SGPP1: variants seen among roughly 807,000 people sequenced by gnomAD.
The protein encoded by SGPP1 is sphingosine-1-phosphate phosphatase 1, also known as hSPP1.
Under a neutral mutation model 33.0 loss-of-function variants are expected in SGPP1, and 21 were observed. The ratio of observed to expected loss-of-function variants is 0.64; its 90% CI spans 0.45 to 0.92. SGPP1 has a LOEUF of 0.92. Ranked by LOEUF, SGPP1 falls within the 40% of genes least tolerant of loss-of-function variation. SGPP1 has a pLI of 0.00. For missense variants in SGPP1, 543 were observed against 589.4 expected (o/e 0.92, Z 0.81); for synonymous variants, 239 against 241.2 (o/e 0.99, Z 0.08).
At chr14:63,699,358 T>C (rs1885250661) in intron 1 of SGPP1, among the ~76,000 whole-genome samples, 1 of 151,812 alleles carries the variant, frequency 6.6e-6, no homozygotes, top group Non-Finnish European at 1.5e-5. Context: ...GAGGAAAGGA[T>C]GGATGGGCAT....
Position 63,727,959 on chromosome 14 carries a change from C to T in SGPP1, c.-15G>A. 6.5e-7 allele frequency: 1 copy of T among 1,538,110 alleles called. No individual in the cohort carries two copies. The highest frequency in any genetic ancestry group is 8.7e-7 in the Non-Finnish European group (1 of 1,151,768). On this transcript the variant is annotated 5_prime_UTR_variant, in exon 1 of 3. Transcript: ENST00000247225. ...CTCAGCGACATGATAACGGAACCCC[C>T]GGGAAGGCGGGCCGGCCTCCGGCGC... is the stretch of plus-strand genomic sequence containing the variant.
chr14:63,726,515 C>G (rs562522451), intron 1 of SGPP1, among the ~76,000 whole-genome samples: 2 of 152,272 alleles, frequency 1.3e-5, no homozygotes, highest in East Asian at 3.9e-4. Context: ...TATAAACCCA[C>G]TAGTTTGATC....
chr14:63,716,272 T>C (rs191119745), intron 1 of SGPP1, among the ~76,000 whole-genome samples: 134 of 152,166 alleles, frequency 8.8e-4, no homozygotes, highest in Middle Eastern at 3.4e-3. Context: ...GGTGAGAGGA[T>C]AGTATGAGCC....
chr14:63,703,807 T>G (rs1485243965), intron 1 of SGPP1, among the ~76,000 whole-genome samples: 6 of 145,232 alleles, frequency 4.1e-5, no homozygotes, highest in Non-Finnish European at 6.1e-5. Flanking sequence ...TAAGTTTTTT[T>G]TTTTTTTTTT....
Position 63,727,447 on chromosome 14 carries a change from G to A in SGPP1, c.498C>T (p.Ile166=). ...DPLVGRRLVV[I]WVLVMYLGQC... is the part of the protein sequence containing the mutation. Reference sequence around the variant, plus strand: ...GGCCCAGGTACATGACCAGCACCCAGATGACCACGAGCCTCCGGCCCACCA... The same window carrying A: ...GGCCCAGGTACATGACCAGCACCCAAATGACCACGAGCCTCCGGCCCACCA... The change falls in exon 1 of 3, where the codon ATC becomes ATT. Residue 166 remains isoleucine (I), a synonymous_variant. Transcript: ENST00000247225. 2 of 1,614,118 alleles carry A rather than the reference G, an allele frequency of 1.2e-6. No homozygotes were observed. The highest frequency in any genetic ancestry group is 2.7e-5 in the African/African-American group (2 of 75,050).
intron 1 of SGPP1, among the ~76,000 whole-genome samples, chr14:63,710,114 A>G (rs938422826): frequency 9.9e-5 from 15 of 152,210 alleles, no homozygotes; most frequent in African/African-American, 3.6e-4. Flanking sequence ...TGTACATGTA[A>G]ACGGATGACA....
intron 1 of SGPP1, among the ~76,000 whole-genome samples, chr14:63,703,474 G>A (rs1432020955): frequency 6.6e-6 from 1 of 151,914 alleles, no homozygotes; most frequent in East Asian, 1.9e-4. Flanking sequence ...CCAACATGGT[G>A]AAACCCTGTC....
intron 1 of SGPP1, among the ~76,000 whole-genome samples, chr14:63,709,433 C>T (rs1277085233): frequency 1.3e-5 from 2 of 151,692 alleles, no homozygotes; most frequent in Non-Finnish European, 2.9e-5. Flanking sequence ...AAGAACAGAC[C>T]TATGGATGCT....
intron 1 of SGPP1, among the ~76,000 whole-genome samples, chr14:63,699,780 T>A (rs986098807): frequency 6.7e-6 from 1 of 149,180 alleles, no homozygotes; most frequent in South Asian, 2.3e-4. Context: ...ACATTTAACA[T>A]GGTCCCTCAC....
intron 1 of SGPP1, among the ~76,000 whole-genome samples, chr14:63,720,374 G>A (rs1595073204): frequency 6.6e-6 from 1 of 152,048 alleles, no homozygotes; most frequent in East Asian, 1.9e-4. Context: ...AGAAAGAGAC[G>A]GAGGGAGGGG....
intron 1 of SGPP1, among the ~76,000 whole-genome samples, chr14:63,715,002 C>T (rs1156327725): frequency 1.2e-4 from 18 of 151,228 alleles, no homozygotes; most frequent in African/African-American, 3.9e-4. Context: ...GGATTACAGG[C>T]ATGAGCCACT....
At chr14:63,705,114 G>T (rs961444709) in intron 1 of SGPP1, among the ~76,000 whole-genome samples, 1 of 151,328 alleles carries the variant, frequency 6.6e-6, no homozygotes, top group African/African-American at 2.4e-5. Context: ...GTGACAGGGC[G>T]AGACTCTGTC....
chr14:63,693,539 A>G (rs1315103582), intron 2 of SGPP1, among the ~76,000 whole-genome samples: 1 of 152,260 alleles, frequency 6.6e-6, no homozygotes, highest in Non-Finnish European at 1.5e-5. Context: ...AGCTATTTAT[A>G]TAAAGCCATA....
At chr14:63,724,857 G>A (rs1378719472) in intron 1 of SGPP1, among the ~76,000 whole-genome samples, 2 of 150,966 alleles carry the variant, frequency 1.3e-5, no homozygotes, top group Non-Finnish European at 3.0e-5. Context: ...ACTCCAGCCT[G>A]GGCAACAGAG....
intron 1 of SGPP1, among the ~76,000 whole-genome samples, chr14:63,711,263 C>T (rs985775397): frequency 1.8e-4 from 27 of 152,256 alleles, no homozygotes; most frequent in Admixed American, 1.6e-3. Flanking sequence ...GATCCGCCCA[C>T]CTCGGTCTCC....
chr14:63,704,709 A>C (rs144136894), intron 1 of SGPP1, among the ~76,000 whole-genome samples: 68 of 152,296 alleles, frequency 4.5e-4, no homozygotes, highest in Non-Finnish European at 8.1e-4. Flanking sequence ...TCTTTAAAAA[A>C]ATTTTTAAAA....
At chr14:63,688,838 C>G (rs1377167172) in intron 2 of SGPP1, among the ~76,000 whole-genome samples, 1 of 151,872 alleles carries the variant, frequency 6.6e-6, no homozygotes, top group African/African-American at 2.4e-5. Flanking sequence ...TCTCCTGCCT[C>G]GGCCTCCCGA....
rs149879574 is a variant in SGPP1, at chr14:63,716,762, C to A, written c.684+10499G>T. On this transcript the variant is annotated intron_variant, in intron 1 of 2. Coordinates refer to ENST00000247225, the MANE Select transcript of SGPP1 (RefSeq NM_030791.4). ...AGGCTGGAGTGCAGTGGCACAATCT[C>A]AGCTTACAGCAACCTCTGCCTCCTG... Among the ~76,000 whole-genome samples the A allele has an allele frequency of 5.5e-3, 828 of 151,820 alleles. 10 individuals are homozygous for A. Among genetic ancestry groups the A allele is most frequent in the African/African-American group, 0.019 (804 of 41,368 alleles).
chr14:63,722,360 T>C (rs919155527), intron 1 of SGPP1, among the ~76,000 whole-genome samples: 1 of 128,742 alleles, frequency 7.8e-6, no homozygotes, highest in Non-Finnish European at 1.6e-5. Flanking sequence ...CTGTCTCTAT[T>C]GAAAAAAAAA....
Sources: allele counts gnomAD v4.1 joint callset (sites outside exome capture counted in the v4.1 genomes callset), GRCh38; gene constraint gnomAD v4.1.1; transcripts MANE v1.5; gene names NCBI Gene and HGNC (gene_info 2026-07-23, HGNC 2026-07-21).